FLNA: variants seen among roughly 807,000 people sequenced by gnomAD.
The protein encoded by FLNA is filamin-A.
A neutral mutation model predicts 157.6 loss-of-function variants in FLNA; 7 were observed. The observed-to-expected ratio is 0.04, with a 90% confidence interval of 0.03 to 0.08. The LOEUF is 0.08. Among genes scored for constraint, FLNA ranks in the 10% least tolerant of loss-of-function variants. The pLI, the probability that FLNA is intolerant of heterozygous loss-of-function variation, is 1.00. For synonymous variants in FLNA, 1,103 were observed against 1,060.8 expected (o/e 1.04, Z -0.77); for missense variants, 1,750 against 2,398.4 (o/e 0.73, Z 5.65).
Position 154,349,579 on chromosome X carries a change from T to A in FLNA, c.7553-14A>T. 1 of 1,209,542 alleles carries A rather than the reference T, an allele frequency of 8.3e-7. No homozygotes were observed. The highest frequency in any genetic ancestry group is 1.8e-5 in the South Asian group (1 of 56,944). On this transcript the variant is annotated splice_polypyrimidine_tract_variant and intron_variant, in intron 46 of 47. Transcript: ENST00000369850. ...CGAGACGGGGGCCTGCAAGGCAGAG[T>A]GGGTGGGGCTAAGAGGTGGCTGTGG...
At chrX:154,356,429 G>T (rs1023526756) in intron 30 of FLNA, among the ~76,000 whole-genome samples, 1 of 111,579 alleles carries the variant, frequency 9.0e-6, no homozygotes, top group Non-Finnish European at 1.9e-5. Context: ...CCCGCCCTGC[G>T]CACACACGCC....
At position 154,354,894 on chromosome X, in the gene FLNA, C is replaced by G. The variant is rs782206361; in HGVS notation, c.5148G>C (p.Gln1716His). Residue 1716 changes from glutamine to histidine, a missense_variant, in exon 31 of 48, where the codon CAG (glutamine) becomes CAC (histidine). Gln to His is a conservative substitution (Grantham distance 24). This residue lies in a region of FLNA where 970 missense variants were observed against 1,302.6 expected (regional missense o/e 0.74). Coordinates refer to ENST00000369850, the MANE Select transcript of FLNA (RefSeq NM_001110556.2). The stretch of plus-strand genomic sequence containing the variant: ...GCACACAGATGACGTATTTGCCCGG[C>G]TGGGGGGCCGTGTAGAAGATGTCGA... The part of the protein sequence containing the change: ...GTFDIFYTAP[Q>H]PGKYVICVRF... 2.5e-6 allele frequency: 3 copies of G among 1,211,152 alleles called. No individual in the cohort carries two copies. In the East Asian group the frequency reaches 8.9e-5, roughly 36 times the overall value.
In FLNA at chrX:154,360,447, G is replaced by T. The variant is rs797044684; in HGVS notation, c.3348C>A (p.Asp1116Glu). The change falls in exon 22 of 48, where the codon GAC (aspartate) becomes GAA (glutamate). Residue 1116 changes from aspartate (D) to glutamate (E), a missense_variant. Around this residue, in one of 5 missense-constraint regions of FLNA, gnomAD observed 648 missense variants for 805.8 expected, o/e 0.80. Transcript: ENST00000369850. ...GPCEAQLECL[D>E]NGDGTCSVSY... Reference sequence around the variant, plus strand: ...ACACGGAACATGTGCCATCCCCATTGTCCAAGCACTCGAGCTGCGCCTCAC... The same window carrying T: ...ACACGGAACATGTGCCATCCCCATTTTCCAAGCACTCGAGCTGCGCCTCAC... 19 of 1,210,772 alleles carry T rather than the reference G, an allele frequency of 1.6e-5. No individual in the cohort carries two copies. Among genetic ancestry groups the T allele is most frequent in the Non-Finnish European group, 2.1e-5 (19 of 895,413 alleles).
chrX:154,364,276 G>C lies in FLNA; in HGVS notation c.2119C>G (p.Leu707Val). Residue 707 changes from leucine (L) to valine (V), a missense_variant, in exon 14 of 48, where the codon CTT becomes GTT. Leu to Val is a conservative substitution (Grantham distance 32). Transcript: ENST00000369850. The stretch of plus-strand genomic sequence containing the variant: ...TGCTCTACCTGGACTTGGACCCGAA[G>C]TGGGGCCTTGCCACCGTGCTTGGCA... ...VDAKHGGKAPLRVQVQDNEGC... is the reference protein window; with the variant it reads ...VDAKHGGKAPVRVQVQDNEGC... The C allele has an allele frequency of 8.3e-7, 1 of 1,211,108 alleles. No homozygotes were observed. The highest frequency in any genetic ancestry group is 1.8e-5 in the South Asian group (1 of 57,022).
rs1569551606 is a variant in FLNA, at chrX:154,359,006, C to G, written c.4452G>C (p.Gln1484His). 1 of 1,211,480 alleles carries G rather than the reference C, an allele frequency of 8.3e-7. No homozygotes were observed. The highest frequency in any genetic ancestry group is 1.1e-6 in the Non-Finnish European group (1 of 895,491). The part of the protein sequence containing the change: ...DTSKAGVAPL[Q>H]VKVQGPKGLV... The stretch of plus-strand genomic sequence containing the variant: ...CACCTTTGGGCCCTTGCACTTTGAC[C>G]TGCAATGGGGCCACACCAGCCTTGC... Residue 1484 changes from glutamine to histidine, a missense_variant, in exon 26 of 48, where the codon CAG becomes CAC. Around this residue, in one of 5 missense-constraint regions of FLNA, gnomAD observed 970 missense variants for 1,302.6 expected, o/e 0.74. Coordinates refer to ENST00000369850, the MANE Select transcript of FLNA (RefSeq NM_001110556.2).
At chrX:154,370,640 CGGCCAGCCGGGGCGCAGCGGGCGGG>C (rs2067798199) in intron 2 of FLNA, among the ~76,000 whole-genome samples, 1 of 112,966 alleles carries the variant, frequency 8.9e-6, no homozygotes, top group Non-Finnish European at 1.9e-5. Flanking sequence ...GCCTGGGCGC[CGGCCAGCCGGGGCGCAGCGGGCGGG>C]GGCGCGTAGC....
In FLNA at chrX:154,371,348, G is replaced by A. The variant is rs1479440548; in HGVS notation, c.-103C>T. On this transcript the variant is annotated 5_prime_UTR_variant, in exon 2 of 48. Transcript: ENST00000369850. ...CTAGGCGCGCGGGAGGCGAGGCAGG[G>A]AGCAGAGGTTGCGCTGCGGAGAGAG... The A allele has an allele frequency of 9.7e-7, 1 of 1,027,873 alleles. No individual in the cohort carries two copies. Among genetic ancestry groups the A allele is most frequent in the Non-Finnish European group, 1.3e-6 (1 of 763,163 alleles). 84.7% of individuals were successfully genotyped at this position (1,027,873 alleles called of 1,213,427 possible).
rs782045915 is a variant in FLNA at position 154,362,061 on chromosome X, G to T, written c.2744C>A (p.Thr915Asn). The T allele has an allele frequency of 1.6e-4, 194 of 1,208,943 alleles. No homozygotes were observed. Among genetic ancestry groups the T allele is most frequent in the Non-Finnish European group, 2.1e-4 (189 of 894,353 alleles). ...GKLDVQFSGL[T>N]KGDAVRDVDI... ...CACATCTCGCACTGCATCCCCCTTG[G>T]TGAGTCCTGAGAACTGGACGTCCAG... Residue 915 changes from threonine (T) to asparagine (N), a missense_variant, in exon 19 of 48, where the codon ACC becomes AAC. By Grantham distance (65) the Thr-to-Asn change is moderately conservative. Coordinates refer to ENST00000369850, the MANE Select transcript of FLNA (RefSeq NM_001110556.2).
rs1603361557 is a variant in FLNA at position 154,361,455 on chromosome X, C to T, written c.3060G>A (p.Val1020=). 2 of 1,209,331 alleles carry T rather than the reference C, an allele frequency of 1.7e-6. 1 individual carries two copies. The highest frequency in any genetic ancestry group is 3.5e-5 in the African/African-American group (2 of 57,025). The change falls in exon 21 of 48, where the codon GTG becomes GTA. Residue 1020 remains valine (V), a synonymous_variant. Coordinates refer to ENST00000369850, the MANE Select transcript of FLNA (RefSeq NM_001110556.2). ...GPSGAAVPCK[V]EPGLGADNSV... ...TGTTGTCAGCCCCCAGGCCTGGCTCCACCTTGCAGGGCACCGCTGCACCCG... is the reference window on the plus strand; with the variant it reads ...TGTTGTCAGCCCCCAGGCCTGGCTCTACCTTGCAGGGCACCGCTGCACCCG...
At position 154,349,862 on chromosome X, in the gene FLNA, G is replaced by A; in HGVS notation, c.7339C>T (p.Pro2447Ser). The A allele has an allele frequency of 8.3e-7, 1 of 1,210,209 alleles. No individual in the cohort carries two copies. The highest frequency in any genetic ancestry group is 1.1e-6 in the Non-Finnish European group (1 of 894,501). ...AGLEGGVTGN[P>S]AEFVVNTSNA... Reference sequence around the variant, plus strand: ...CTCGTGTTCACGACGAACTCAGCTGGGTTCCCTGGGAGCACAGGAGGTCAG... The same window carrying A: ...CTCGTGTTCACGACGAACTCAGCTGAGTTCCCTGGGAGCACAGGAGGTCAG... Residue 2447 changes from proline (P) to serine (S), a missense_variant, in exon 46 of 48, where the codon CCA becomes TCA. Pro to Ser is a moderately conservative substitution (Grantham distance 74). Coordinates refer to ENST00000369850, the MANE Select transcript of FLNA (RefSeq NM_001110556.2).
At chrX:154,358,913 A>C (rs1380740142) in intron 26 of FLNA, 71 bp downstream of exon 26, 3 of 1,136,535 alleles carry the variant, frequency 2.6e-6, no homozygotes, top group Non-Finnish European at 3.6e-6. Flanking sequence ...TTGGGCCTCC[A>C]GTTTCCTTTC....
chrX:154,353,885 G>C, intron 35 of FLNA, 30 bp downstream of exon 35: 1 of 1,211,086 alleles, frequency 8.3e-7, no homozygotes, highest in South Asian at 1.8e-5. Flanking sequence ...CCCGGGCACA[G>C]AGCAGGTCAA....
At chrX:154,365,841 G>A (rs1324091635) in intron 9 of FLNA, among the ~76,000 whole-genome samples, 183 bp downstream of exon 9, 6 of 112,594 alleles carry the variant, frequency 5.3e-5, no homozygotes, top group Non-Finnish European at 1.1e-4. Flanking sequence ...ATGGAGAGGG[G>A]CGAGGAGAGG....
Position 154,359,608 on chromosome X carries a change from C to T in FLNA, c.4018G>A (p.Val1340Met), listed in dbSNP as rs782342052. The change falls in exon 24 of 48, where the codon GTG becomes ATG. Residue 1340 changes from valine (V) to methionine (M), a missense_variant. Val to Met is a conservative substitution (Grantham distance 21). Around this residue, in one of 5 missense-constraint regions of FLNA, gnomAD observed 970 missense variants for 1,302.6 expected, o/e 0.74. Transcript: ENST00000369850. ...GGCACCTGGAAGGGGCTGCTGGGCA[C>T]GGGACTGCCGTCATAGGTCACGTCC... ...SVDVTYDGSP[V>M]PSSPFQVPVT... 8.3e-7 allele frequency: 1 copy of T among 1,210,767 alleles called. No individual in the cohort carries two copies. The highest frequency in any genetic ancestry group is 1.1e-6 in the Non-Finnish European group (1 of 895,326).
In FLNA at chrX:154,349,582, G is replaced by A. The variant is rs1557175323; in HGVS notation, c.7553-17C>T. Reference sequence around the variant, plus strand: ...GACGGGGGCCTGCAAGGCAGAGTGGGTGGGGCTAAGAGGTGGCTGTGGTGC... The same window carrying A: ...GACGGGGGCCTGCAAGGCAGAGTGGATGGGGCTAAGAGGTGGCTGTGGTGC... On this transcript the variant is annotated splice_polypyrimidine_tract_variant and intron_variant, in intron 46 of 47. Transcript: ENST00000369850. 1 of 1,210,859 alleles carries A rather than the reference G, an allele frequency of 8.3e-7. No individual in the cohort carries two copies. The highest frequency in any genetic ancestry group is 1.8e-5 in the South Asian group (1 of 57,044).
Position 154,370,897 on chromosome X carries a change from C to T in FLNA, c.349G>A (p.Glu117Lys). The change falls in exon 2 of 48, where the codon GAG becomes AAG. Residue 117 changes from glutamate to lysine, a missense_variant. By Grantham distance (56) the Glu-to-Lys change is moderately conservative (BLOSUM62 1). Coordinates refer to ENST00000369850, the MANE Select transcript of FLNA (RefSeq NM_001110556.2). ...CCGATGGACACCAGTTTGATGCTCTCGCGGTCCAGGAACTCGAGCGCCACC... is the reference window on the plus strand; with the variant it reads ...CCGATGGACACCAGTTTGATGCTCTTGCGGTCCAGGAACTCGAGCGCCACC... ...VSVALEFLDRESIKLVSIDSK... is the reference protein window; with the variant it reads ...VSVALEFLDRKSIKLVSIDSK... 8.3e-7 allele frequency: 1 copy of T among 1,210,870 alleles called. No individual in the cohort carries two copies.
rs951966578 is a variant in FLNA, at chrX:154,361,370, C to T, written c.3145G>A (p.Gly1049Ser). 4.1e-6 allele frequency: 5 copies of T among 1,210,150 alleles called. No individual in the cohort carries two copies. Among genetic ancestry groups the T allele is most frequent in the Middle Eastern group, 2.3e-4 (1 of 4,352 alleles). The change falls in exon 21 of 48, where the codon GGC becomes AGC. Residue 1049 changes from glycine (G) to serine (S), a missense_variant. Gly to Ser is a moderately conservative substitution (Grantham distance 56, BLOSUM62 0). This residue lies in a region of FLNA where 648 missense variants were observed against 805.8 expected (regional missense o/e 0.80). Transcript: ENST00000369850. ...AAGGGGCTGCCAGGCACGGGCACGCCGTCATAGGTCACCTCCACCTCATAG... is the reference window on the plus strand; with the variant it reads ...AAGGGGCTGCCAGGCACGGGCACGCTGTCATAGGTCACCTCCACCTCATAG... Reference protein sequence around the residue: ...GPYEVEVTYDGVPVPGSPFPL... With the variant: ...GPYEVEVTYDSVPVPGSPFPL...
chrX:154,350,341 A>C (rs2067609568), intron 44 of FLNA, 134 bp from the exon 45 acceptor site: 1 of 562,858 alleles, frequency 1.8e-6, no homozygotes, highest in African/African-American at 2.3e-5. Context: ...CACGCTGGGC[A>C]CCTGCACCCC....
rs863223623 is a variant in FLNA at position 154,359,824 on chromosome X, C to T, written c.3887G>A (p.Arg1296His). Residue 1296 changes from arginine (R) to histidine (H), a missense_variant, in exon 23 of 48, where the codon CGT becomes CAT. Arg to His is a conservative substitution (Grantham distance 29). This residue lies in a region of FLNA where 970 missense variants were observed against 1,302.6 expected (regional missense o/e 0.74). Transcript: ENST00000369850. ...CAGGTTGCCTGAGGGGTTGGCCACA[C>T]GGGCCTTGACGTGCGGCCCTCCGGT... ...TQTGGPHVKA[R>H]VANPSGNLTE... 9 of 1,209,300 alleles carry T rather than the reference C, an allele frequency of 7.4e-6. No homozygotes were observed. Among genetic ancestry groups the T allele is most frequent in the Non-Finnish European group, 1.0e-5 (9 of 894,885 alleles).
Sources: gnomAD v4.1 joint callset for allele counts (sites outside exome capture counted in the v4.1 genomes callset) on GRCh38, gnomAD v4.1.1 for gene constraint, gnomAD v4.1.1 regional missense constraint, MANE v1.5 for transcripts, NCBI Gene and HGNC (gene_info 2026-07-23, HGNC 2026-07-21) for gene names.